Variants in KIAA1328 observed in about 807,000 individuals in gnomAD.
KIAA1328 encodes the protein protein hinderin.
In KIAA1328, 52 loss-of-function variants were observed where a neutral mutation model predicts 68.1. That is an observed-to-expected ratio of 0.76 (90% CI 0.61 to 0.96). KIAA1328 has a LOEUF of 0.96. Among genes scored for constraint, KIAA1328 ranks in the 40% least tolerant of loss-of-function variants. KIAA1328 has a pLI of 0.00. For missense variants in KIAA1328, 641 were observed against 677.6 expected, an observed-to-expected ratio of 0.95 and a Z score of 0.60; for synonymous variants, 232 against 239.4, an observed-to-expected ratio of 0.97 and a Z score of 0.28.
chr18:37,046,193 T>C lies in KIAA1328; in HGVS notation c.577-20697T>C, dbSNP rs573884110. ...TTATAATCTTCATGGACTGAAACTT[T>C]TGTAAAAATTTTTGTTAATAATTTC... On this transcript the variant is annotated intron_variant, in intron 6 of 9. Coordinates refer to ENST00000280020, the MANE Select transcript of KIAA1328 (RefSeq NM_020776.3). Among the ~76,000 whole-genome samples the C allele has an allele frequency of 1.4e-4, 22 of 152,338 alleles. No homozygotes were observed. In the South Asian group the frequency reaches 4.4e-3, roughly 30 times the overall value.
chr18:36,945,055 G>C (rs900463758), intron 5 of KIAA1328, among the ~76,000 whole-genome samples: 5 of 152,180 alleles, frequency 3.3e-5, no homozygotes, highest in Admixed American at 6.5e-5. Context: ...CTTATGGACA[G>C]TAGCAAAAAG....
intron 6 of KIAA1328, among the ~76,000 whole-genome samples, chr18:36,992,920 A>G (rs909103812): frequency 1.3e-5 from 2 of 152,178 alleles, no homozygotes; most frequent in African/African-American, 4.8e-5. Context: ...CCTGGGCAGC[A>G]TGGTGAAACC....
chr18:36,834,746 A>G (rs1010213176), intron 2 of KIAA1328, among the ~76,000 whole-genome samples: 2 of 152,232 alleles, frequency 1.3e-5, no homozygotes, highest in African/African-American at 4.8e-5. Flanking sequence ...TAGTAAAGCA[A>G]CTATTGAAGG....
chr18:36,940,017 C>T (rs1226601079), intron 5 of KIAA1328, among the ~76,000 whole-genome samples: 1 of 63,226 alleles, frequency 1.6e-5, no homozygotes. Context: ...TTTTTTTATC[C>T]ATTGTGTCCA....
At chr18:36,895,193 G>A (rs935720937) in intron 5 of KIAA1328, among the ~76,000 whole-genome samples, 3 of 152,150 alleles carry the variant, frequency 2.0e-5, no homozygotes, top group Non-Finnish European at 4.4e-5. Flanking sequence ...GGGCACTGTT[G>A]TGTACTTGAA....
At chr18:37,048,989 T>C (rs1427458124) in intron 6 of KIAA1328, among the ~76,000 whole-genome samples, 2 of 152,168 alleles carry the variant, frequency 1.3e-5, no homozygotes, top group Non-Finnish European at 2.9e-5. Context: ...ACATTTTCTT[T>C]ATCCCCAAGT....
At chr18:37,156,965 A>G (rs1243168743) in intron 7 of KIAA1328, among the ~76,000 whole-genome samples, 2 of 152,294 alleles carry the variant, frequency 1.3e-5, no homozygotes, top group East Asian at 3.9e-4. Context: ...GACTTTTGCA[A>G]TGTCTGCATC....
rs542590805 is a variant in KIAA1328, at chr18:37,157,807, CAAAAAAAAAAAAA to C, written c.1233-2382_1233-2370del. On this transcript the variant is annotated intron_variant, in intron 7 of 9. Transcript: ENST00000280020. ...CGGGCAACAGAGTGAGACTCCTCTC[CAAAAAAAAAAAAA>C]AAAAAAAAAAGAATTACCTCATTCT... 4.9e-4 allele frequency among the ~76,000 whole-genome samples: 27 copies of C among 55,402 alleles called. No individual in the cohort carries two copies. In the East Asian group the frequency reaches 9.1e-3, roughly 19 times the overall value. The allele number at this position is 55,402 out of a possible 152,430, so 36.3% of individuals were successfully genotyped here. A position where few individuals can be genotyped will look rare whatever the true frequency, so the allele number is the denominator to read the frequency against.
intron 3 of KIAA1328, among the ~76,000 whole-genome samples, chr18:36,842,851 C>G (rs546993346): frequency 6.6e-6 from 1 of 152,100 alleles, no homozygotes; most frequent in African/African-American, 2.4e-5. Context: ...CCACACTATT[C>G]TTGAAACTTT....
chr18:36,845,028 A>T (rs8087932), intron 4 of KIAA1328, among the ~76,000 whole-genome samples: 59,788 of 151,570 alleles, frequency 0.39, 13,658 homozygotes, highest in African/African-American at 0.63. Flanking sequence ...GTTTTGAACA[A>T]ATTTTGTGTT....
At chr18:37,024,217 C>T (rs746612206) in intron 6 of KIAA1328, among the ~76,000 whole-genome samples, 26 of 152,006 alleles carry the variant, frequency 1.7e-4, no homozygotes, top group Admixed American at 1.5e-3. Context: ...TGGTCCTGAA[C>T]GAATGAACTC....
At chr18:36,939,526 T>C (rs1420867187) in intron 5 of KIAA1328, among the ~76,000 whole-genome samples, 2 of 152,178 alleles carry the variant, frequency 1.3e-5, no homozygotes, top group African/African-American at 2.4e-5. Flanking sequence ...TATAAGGTCA[T>C]ATCATCAGCA....
At chr18:37,007,956 T>G (rs867181864) in intron 6 of KIAA1328, among the ~76,000 whole-genome samples, 1 of 152,236 alleles carries the variant, frequency 6.6e-6, no homozygotes, top group East Asian at 1.9e-4. Context: ...TTTTTTCTTA[T>G]GGTTTTGCCT....
intron 6 of KIAA1328, among the ~76,000 whole-genome samples, chr18:36,976,803 G>A (rs953225046): frequency 6.6e-6 from 1 of 152,106 alleles, no homozygotes; most frequent in Non-Finnish European, 1.5e-5. Context: ...TAAGAATGCT[G>A]AGCAGAAGGA....
chr18:36,846,448 CTGTT>C (rs1010133071), intron 4 of KIAA1328, among the ~76,000 whole-genome samples: 2 of 151,468 alleles, frequency 1.3e-5, no homozygotes, highest in Admixed American at 1.3e-4. Flanking sequence ...GCTTATCAAT[CTGTT>C]TATTTATAAA....
chr18:36,882,638 G>C (rs1044250309), intron 4 of KIAA1328, among the ~76,000 whole-genome samples: 4 of 152,002 alleles, frequency 2.6e-5, no homozygotes, highest in African/African-American at 9.7e-5. Flanking sequence ...TAACAGAAAA[G>C]ATTAAAAAGA....
At chr18:37,060,534 A>C (rs771629470) in intron 6 of KIAA1328, among the ~76,000 whole-genome samples, 2 of 152,226 alleles carry the variant, frequency 1.3e-5, no homozygotes, top group Non-Finnish European at 2.9e-5. Flanking sequence ...GGACTCTTAC[A>C]CTTCACTTGT....
At chr18:36,911,438 A>T (rs1018254054) in intron 5 of KIAA1328, among the ~76,000 whole-genome samples, 2 of 152,204 alleles carry the variant, frequency 1.3e-5, no homozygotes, top group African/African-American at 4.8e-5. Flanking sequence ...TGTTTAAATA[A>T]AAACAGACCT....
In KIAA1328 at chr18:36,829,198, T is replaced by C. The variant is rs2046359328; in HGVS notation, c.58+2T>C. ...CCGCGGCGTTCTGGAGCCGGGACTG[T>C]ATCCTTTGCCCGCCTGACAGGGGGC... On this transcript the variant is annotated splice_donor_variant, in intron 1 of 9. Transcript: ENST00000280020. LOFTEE classifies it high-confidence loss of function. The C allele has an allele frequency of 2.0e-6, 3 of 1,526,964 alleles. No individual in the cohort carries two copies. The highest frequency in any genetic ancestry group is 1.4e-5 in the African/African-American group (1 of 70,650). 94.6% of individuals were successfully genotyped at this position (1,526,964 alleles called of 1,614,324 possible).
Sources: gnomAD v4.1 joint callset for allele counts (sites outside exome capture counted in the v4.1 genomes callset) on GRCh38, gnomAD v4.1.1 for gene constraint, MANE v1.5 for transcripts, NCBI Gene and HGNC (gene_info 2026-07-23, HGNC 2026-07-21) for gene names.